ARHGAP26: variants seen among roughly 807,000 people sequenced by gnomAD.
ARHGAP26 encodes the protein rho GTPase-activating protein 26.
A neutral mutation model predicts 104.8 loss-of-function variants in ARHGAP26; 38 were observed. The ratio of observed to expected loss-of-function variants is 0.36; its 90% CI spans 0.28 to 0.48. ARHGAP26 has a LOEUF of 0.48. ARHGAP26 is among the 20% of genes least tolerant of loss of function. ARHGAP26 has a pLI of 0.99. For synonymous variants in ARHGAP26, 341 were observed against 340.0 expected (o/e 1.00, Z -0.03); for missense variants, 704 against 947.9 (o/e 0.74, Z 3.38).
chr5:142,793,780 G>T (rs909748318), intron 1 of ARHGAP26, among the ~76,000 whole-genome samples: 3 of 151,972 alleles, frequency 2.0e-5, no homozygotes, highest in African/African-American at 7.3e-5. Flanking sequence ...TAGATACGGG[G>T]TTTCTCCATG....
chr5:143,092,945 C>T lies in ARHGAP26; in HGVS notation c.1539-28043C>T, dbSNP rs558028642. Reference sequence around the variant, plus strand: ...CACTGTGTCTTTTTCCCTCAATCACCGGGGAGGAACCATCTATCGTCCTGT... The same window carrying T: ...CACTGTGTCTTTTTCCCTCAATCACTGGGGAGGAACCATCTATCGTCCTGT... On this transcript the variant is annotated intron_variant, in intron 17 of 22. Transcript: ENST00000645722. Among the ~76,000 whole-genome samples the T allele has an allele frequency of 3.3e-4, 51 of 152,326 alleles. 1 individual carries two copies. The highest frequency in any genetic ancestry group is 9.9e-4 in the African/African-American group (41 of 41,580).
chr5:143,159,662 A>C (rs900345335), intron 20 of ARHGAP26, among the ~76,000 whole-genome samples: 1 of 152,160 alleles, frequency 6.6e-6, no homozygotes, highest in East Asian at 1.9e-4. Flanking sequence ...TATGTTTCTG[A>C]AGCCTCCCAA....
At chr5:142,976,198 T>G (rs1773062990) in intron 11 of ARHGAP26, among the ~76,000 whole-genome samples, 1 of 152,266 alleles carries the variant, frequency 6.6e-6, no homozygotes, top group Admixed American at 6.5e-5. Flanking sequence ...TCTGCAGATT[T>G]TTAATACATG....
intron 1 of ARHGAP26, among the ~76,000 whole-genome samples, chr5:142,807,971 C>A (rs1159065787): frequency 6.6e-6 from 1 of 152,044 alleles, no homozygotes; most frequent in Non-Finnish European, 1.5e-5. Flanking sequence ...TGTGGTGGCT[C>A]ACGCCTGTAA....
chr5:142,940,964 A>G (rs1172895095), intron 11 of ARHGAP26, among the ~76,000 whole-genome samples: 1 of 149,068 alleles, frequency 6.7e-6, no homozygotes, highest in East Asian at 2.0e-4. Flanking sequence ...AGTCCCAGCT[A>G]CTCGGGAGGC....
intron 1 of ARHGAP26, among the ~76,000 whole-genome samples, chr5:142,780,089 G>A (rs1157560890): frequency 6.6e-6 from 1 of 152,090 alleles, no homozygotes; most frequent in African/African-American, 2.4e-5. Context: ...ATTTATGCAT[G>A]TGCCAACAAA....
chr5:143,169,123 C>T (rs1358861672), intron 20 of ARHGAP26, among the ~76,000 whole-genome samples: 1 of 152,234 alleles, frequency 6.6e-6, no homozygotes, highest in African/African-American at 2.4e-5. Context: ...TGGGCTCTAA[C>T]AGGAGCTATT....
chr5:143,127,996 G>A (rs941631845), intron 18 of ARHGAP26, among the ~76,000 whole-genome samples: 10 of 152,132 alleles, frequency 6.6e-5, no homozygotes, highest in African/African-American at 2.4e-4. Context: ...TAAATTTTTT[G>A]TTGACTTCCC....
chr5:143,014,332 A>T (rs1779302089), intron 12 of ARHGAP26: 2 of 597,640 alleles, frequency 3.3e-6, no homozygotes, highest in African/African-American at 1.9e-5. Flanking sequence ...GTGTAGTGAC[A>T]CCTTGCATTG....
At chr5:143,187,866 T>A (rs1237883497) in intron 20 of ARHGAP26, among the ~76,000 whole-genome samples, 1 of 152,232 alleles carries the variant, frequency 6.6e-6, no homozygotes, top group Non-Finnish European at 1.5e-5. Context: ...TGTTGCTATG[T>A]CTTGCCTCAG....
intron 17 of ARHGAP26, among the ~76,000 whole-genome samples, chr5:143,106,585 G>C (rs1437406201): frequency 7.0e-6 from 1 of 142,344 alleles, no homozygotes; most frequent in Admixed American, 7.9e-5. Flanking sequence ...CGATTCTCCT[G>C]CCTCAGCCTC....
Position 142,957,514 on chromosome 5 carries a change from A to G in ARHGAP26, c.1107+25389A>G, listed in dbSNP as rs551974932. On this transcript the variant is annotated intron_variant, in intron 11 of 22. Coordinates refer to ENST00000645722, the MANE Select transcript of ARHGAP26 (RefSeq NM_001135608.3). The stretch of plus-strand genomic sequence containing the variant: ...TCACTTTGTGGCTCGTCTTTGTACC[A>G]TTGGTAATAAGACCTTCCTTCCTAT... Among the ~76,000 whole-genome samples the G allele has an allele frequency of 2.0e-5, 3 of 152,298 alleles. No homozygotes were observed. In the East Asian group the frequency reaches 5.8e-4, roughly 29 times the overall value.
intron 10 of ARHGAP26, among the ~76,000 whole-genome samples, chr5:142,920,067 ATTAC>A (rs1423411679): frequency 1.3e-5 from 2 of 152,182 alleles, no homozygotes; most frequent in East Asian, 3.8e-4. Context: ...GTGCTTTTGT[ATTAC>A]TTTGCCATAG....
chr5:143,226,937 A>G lies in ARHGAP26; in HGVS notation c.*4491A>G, dbSNP rs1745679301. On this transcript the variant is annotated 3_prime_UTR_variant, in exon 23 of 23. Coordinates refer to ENST00000645722, the MANE Select transcript of ARHGAP26 (RefSeq NM_001135608.3). ...CTGCGGCTCAAAGGGAAGGCCTTCT[A>G]TCCCCTGAGTTTCTATCAGCTGAAA... is the stretch of plus-strand genomic sequence containing the variant. The G allele has an allele frequency of 4.4e-6, 1 of 227,360 alleles. No individual in the cohort carries two copies. The highest frequency in any genetic ancestry group is 2.2e-5 in the African/African-American group (1 of 45,010). The allele number at this position is 227,360 out of a possible 1,614,324, so 14.1% of individuals were successfully genotyped here.
intron 20 of ARHGAP26, among the ~76,000 whole-genome samples, chr5:143,154,490 T>A (rs1051428716): frequency 2.0e-5 from 3 of 152,234 alleles, no homozygotes. Flanking sequence ...CAAACTGTCC[T>A]TACTTTTTCT....
intron 17 of ARHGAP26, among the ~76,000 whole-genome samples, chr5:143,067,683 T>A (rs995427416): frequency 6.6e-6 from 1 of 152,218 alleles, no homozygotes; most frequent in African/African-American, 2.4e-5. Flanking sequence ...ATGTTGGGTC[T>A]TGTTGGTGTA....
intron 1 of ARHGAP26, among the ~76,000 whole-genome samples, chr5:142,870,827 G>A (rs370277263): frequency 3.8e-4 from 58 of 152,246 alleles, no homozygotes; most frequent in African/African-American, 1.4e-3. Flanking sequence ...TGGGGTGGGG[G>A]CAAGGGGTTG....
intron 12 of ARHGAP26, among the ~76,000 whole-genome samples, chr5:143,034,604 G>A (rs569096166): frequency 3.7e-4 from 56 of 152,282 alleles, no homozygotes; most frequent in African/African-American, 1.3e-3. Context: ...TGGCTAATGT[G>A]TATGGGTTTT....
intron 6 of ARHGAP26, among the ~76,000 whole-genome samples, chr5:142,900,736 A>G (rs559986199): frequency 7.2e-4 from 109 of 152,036 alleles, no homozygotes; most frequent in Middle Eastern, 6.8e-3. Context: ...TTTTTTTTTT[A>G]CATAATAAGT....
Sources: allele counts gnomAD v4.1 joint callset (sites outside exome capture counted in the v4.1 genomes callset), GRCh38; gene constraint gnomAD v4.1.1; transcripts MANE v1.5; gene names NCBI Gene and HGNC (gene_info 2026-07-23, HGNC 2026-07-21).